The following GALNT16 variants were observed in gnomAD, a reference collection of about 807,000 sequenced individuals.
The protein encoded by GALNT16 is polypeptide N-acetylgalactosaminyltransferase 16.
In GALNT16, 40 loss-of-function variants were observed where a neutral mutation model predicts 76.1. The ratio of observed to expected loss-of-function variants is 0.53; its 90% CI spans 0.41 to 0.68. The LOEUF is 0.68. Among genes scored for constraint, GALNT16 ranks in the 30% least tolerant of loss-of-function variants. The pLI, the probability that GALNT16 is intolerant of heterozygous loss-of-function variation, is 0.00. For synonymous variants in GALNT16, 276 were observed against 285.2 expected, an observed-to-expected ratio of 0.97 and a Z score of 0.32; for missense variants, 621 against 731.9, an observed-to-expected ratio of 0.85 and a Z score of 1.75.
At chr14:69,322,981 T>TGTGCGCGC (rs1196943800) in intron 2 of GALNT16, among the ~76,000 whole-genome samples, 2 of 28,346 alleles carry the variant, frequency 7.1e-5, no homozygotes, top group South Asian at 1.5e-3. Context: ...TGTGTGTGTG[T>TGTGCGCGC]GCGCGCGCAC....
intron 1 of GALNT16, among the ~76,000 whole-genome samples, chr14:69,313,484 G>A (rs1441118871): frequency 6.6e-6 from 1 of 151,752 alleles, no homozygotes; most frequent in Non-Finnish European, 1.5e-5. Flanking sequence ...AGAGGACCCT[G>A]GGTGGCTCAG....
chr14:69,352,412 T>C lies in GALNT16; in HGVS notation c.*244T>C. 2.0e-6 allele frequency: 1 copy of C among 488,484 alleles called. No homozygotes were observed. The highest frequency in any genetic ancestry group is 3.6e-6 in the Non-Finnish European group (1 of 276,196). The allele number at this position is 488,484 out of a possible 1,614,324, so 30.3% of individuals were successfully genotyped here. A position where few individuals can be genotyped will look rare whatever the true frequency, so the allele number is the denominator to read the frequency against. On this transcript the variant is annotated 3_prime_UTR_variant, in exon 15 of 15. Transcript: ENST00000448469. ...AGAGGAGATGGTCAGGGTGCTGGAC[T>C]GTTGCTGGGTAGAGACTGAGTAGGT...
intron 1 of GALNT16, among the ~76,000 whole-genome samples, chr14:69,280,304 T>A (rs2044523505): frequency 2.0e-5 from 3 of 152,346 alleles, no homozygotes; most frequent in South Asian, 4.1e-4. Context: ...TGGTGTCTTT[T>A]GTGATGGCTC....
intron 1 of GALNT16, among the ~76,000 whole-genome samples, chr14:69,285,361 C>T (rs2044597663): frequency 6.6e-6 from 1 of 152,116 alleles, no homozygotes; most frequent in Non-Finnish European, 1.5e-5. Flanking sequence ...AATGGACTAA[C>T]ACAGGGACTA....
At chr14:69,264,472 A>T (rs1328231928) in intron 1 of GALNT16, among the ~76,000 whole-genome samples, 1 of 152,166 alleles carries the variant, frequency 6.6e-6, no homozygotes, top group Non-Finnish European at 1.5e-5. Flanking sequence ...CTGTCAGTGG[A>T]AGGTCCCACA....
chr14:69,319,227 G>A (rs1389104783), intron 1 of GALNT16, among the ~76,000 whole-genome samples: 1 of 152,228 alleles, frequency 6.6e-6, no homozygotes, highest in East Asian at 1.9e-4. Context: ...GCTACAGAGT[G>A]GCAGCAGTTC....
intron 12 of GALNT16, 86 bp downstream of exon 12, chr14:69,341,850 TCTC>T: frequency 1.2e-6 from 1 of 807,972 alleles, no homozygotes; most frequent in South Asian, 1.5e-5. Flanking sequence ...CACCCTTAGA[TCTC>T]CTCAACACTG....
At chr14:69,308,235 A>G (rs1483550390) in intron 1 of GALNT16, among the ~76,000 whole-genome samples, 6 of 151,420 alleles carry the variant, frequency 4.0e-5, no homozygotes, top group Non-Finnish European at 8.9e-5. Context: ...TATCTTAGGT[A>G]GAGAATTAAG....
chr14:69,322,925 G>GGGGTGTGTGT (rs797021875), intron 2 of GALNT16, among the ~76,000 whole-genome samples: 19 of 103,778 alleles, frequency 1.8e-4, no homozygotes, highest in African/African-American at 7.1e-4. Context: ...TGGCTCACGG[G>GGGGTGTGTGT]GTGTGTGTGT....
At chr14:69,379,897 C>A in the GALNT16 span, among the ~76,000 whole-genome samples, 2 of 152,098 alleles carry the variant, frequency 1.3e-5, no homozygotes, top group African/African-American at 2.4e-5. Flanking sequence ...ATAACGTTTG[C>A]GTCAATAGTA....
Position 69,312,826 on chromosome 14 carries a change from G to A in GALNT16, c.178-7885G>A, listed in dbSNP as rs1049572559. ...CCTGAGCTTGTCAGGACTCAGCTGT[G>A]TGCCGGGCACCAGAGGCCAGCCTGC... On this transcript the variant is annotated intron_variant, in intron 1 of 14. Transcript: ENST00000448469. Among the ~76,000 whole-genome samples the A allele has an allele frequency of 4.6e-5, 7 of 152,182 alleles. No homozygotes were observed. The East Asian group carries it at 1.2e-3, about 25-fold the overall frequency.
At chr14:69,338,529 C>A in intron 9 of GALNT16, 122 bp from the exon 10 acceptor site, 1 of 1,399,146 alleles carries the variant, frequency 7.1e-7, no homozygotes. Flanking sequence ...TGAGCAGGCC[C>A]AGGAGCCCCG....
At chr14:69,326,498 G>A (rs936711929) in intron 5 of GALNT16, among the ~76,000 whole-genome samples, 8 of 152,216 alleles carry the variant, frequency 5.3e-5, no homozygotes, top group Non-Finnish European at 1.0e-4. Flanking sequence ...TAGCCAAGGG[G>A]TCAGAATCCA....
intron 1 of GALNT16, among the ~76,000 whole-genome samples, chr14:69,268,552 C>T (rs2044367526): frequency 6.6e-6 from 1 of 152,174 alleles, no homozygotes; most frequent in Admixed American, 6.5e-5. Flanking sequence ...ATGCTGAAGG[C>T]AGCATCTATT....
At chr14:69,332,253 C>A (rs547671787) in intron 7 of GALNT16, among the ~76,000 whole-genome samples, 1 of 152,132 alleles carries the variant, frequency 6.6e-6, no homozygotes, top group Non-Finnish European at 1.5e-5. Flanking sequence ...TTTTGAATTA[C>A]GTATTTGGCT....
chr14:69,381,015 G>A, the GALNT16 span, among the ~76,000 whole-genome samples: 3 of 152,212 alleles, frequency 2.0e-5, no homozygotes, highest in African/African-American at 7.2e-5. Context: ...GGGTGCAGTG[G>A]CTCATGCCTG....
At chr14:69,342,514 AAG>A (rs2045505646) in intron 12 of GALNT16, among the ~76,000 whole-genome samples, 1 of 62,824 alleles carries the variant, frequency 1.6e-5, no homozygotes, top group Non-Finnish European at 4.1e-5. Context: ...GGGAGGAAGG[AAG>A]GGGAGAGGGA....
rs144976336 is a variant in GALNT16, at chr14:69,299,443, G to T, written c.178-21268G>T. On this transcript the variant is annotated intron_variant, in intron 1 of 14. Transcript: ENST00000448469. The stretch of plus-strand genomic sequence containing the variant: ...CGCAAGGCACACAGGATGGTGCAAA[G>T]GGAGATGCTCCACTGTGATGGTGTT... 6.0e-3 allele frequency among the ~76,000 whole-genome samples: 914 copies of T among 152,280 alleles called. 14 individuals are homozygous for T. The highest frequency in any genetic ancestry group is 9.4e-3 in the Non-Finnish European group (638 of 68,020).
At chr14:69,281,799 A>C (rs1414998255) in intron 1 of GALNT16, among the ~76,000 whole-genome samples, 1 of 152,128 alleles carries the variant, frequency 6.6e-6, no homozygotes. Context: ...GAAGAACCCA[A>C]TACAGTCTCC....
Sources: gnomAD v4.1 joint callset for allele counts (sites outside exome capture counted in the v4.1 genomes callset) on GRCh38, gnomAD v4.1.1 for gene constraint, MANE v1.5 for transcripts, NCBI Gene and HGNC (gene_info 2026-07-23, HGNC 2026-07-21) for gene names.